The following TARBP1 variants were observed in gnomAD, a reference collection of about 807,000 sequenced individuals.
TARBP1 encodes the protein tRNA (guanosine(18)-2'-O)-methyltransferase TARBP1.
Under a neutral mutation model 178.6 loss-of-function variants are expected in TARBP1, and 144 were observed. That is an observed-to-expected ratio of 0.81 (90% CI 0.70 to 0.93). The LOEUF is 0.93. Ranked by LOEUF, TARBP1 falls within the 40% of genes least tolerant of loss-of-function variation. The probability of loss-of-function intolerance (pLI) is 0.00; values close to 1 mark genes in which losing one functional copy is unlikely to be tolerated. For synonymous variants in TARBP1, 787 were observed against 781.0 expected (o/e 1.01, Z -0.13); for missense variants, 2,067 against 2,011.7 (o/e 1.03, Z -0.53).
At chr1:234,430,621 G>A (rs1216411643) in intron 14 of TARBP1, among the ~76,000 whole-genome samples, 1 of 152,144 alleles carries the variant, frequency 6.6e-6, no homozygotes, top group Non-Finnish European at 1.5e-5. Flanking sequence ...CCAAAGCTGT[G>A]TGTAAGTCCT....
intron 12 of TARBP1, among the ~76,000 whole-genome samples, chr1:234,443,648 TG>T (rs1665831076): frequency 6.6e-6 from 1 of 152,186 alleles, no homozygotes; most frequent in South Asian, 2.1e-4. Flanking sequence ...CTCAGACATT[TG>T]TACACCCATG....
intron 1 of TARBP1, among the ~76,000 whole-genome samples, chr1:234,473,195 G>A (rs1052385517): frequency 6.6e-6 from 1 of 152,192 alleles, no homozygotes; most frequent in African/African-American, 2.4e-5. Context: ...CTCAAGTCAT[G>A]AGAATTTTAA....
chr1:234,437,766 A>C (rs946608421), intron 12 of TARBP1, among the ~76,000 whole-genome samples: 2 of 152,256 alleles, frequency 1.3e-5, no homozygotes, highest in South Asian at 2.1e-4. Context: ...CCAGATGCAG[A>C]AGCAGTCAAC....
In TARBP1 at chr1:234,478,908, C is replaced by A. The variant is rs1190610413; in HGVS notation, c.196G>T (p.Ala66Ser). The change falls in exon 1 of 30, where the codon GCA (alanine) becomes TCA (serine). Residue 66 changes from alanine (A) to serine (S), a missense_variant. Ala to Ser is a moderately conservative substitution (Grantham distance 99). Transcript: ENST00000040877. ...ALPEAAREVAAGYLVPLLRSL... is the reference protein window; with the variant it reads ...ALPEAAREVASGYLVPLLRSL... ...CGCAGCAGTGGCACGAGGTACCCTGCAGCCACCTCGCGCGCCGCCTCCGGG... is the reference window on the plus strand; with the variant it reads ...CGCAGCAGTGGCACGAGGTACCCTGAAGCCACCTCGCGCGCCGCCTCCGGG... The A allele has an allele frequency of 1.4e-6, 2 of 1,421,814 alleles. No homozygotes were observed. The highest frequency in any genetic ancestry group is 3.0e-5 in the Admixed American group (1 of 32,810). The allele number at this position is 1,421,814 out of a possible 1,614,324, so 88.1% of individuals were successfully genotyped here.
chr1:234,405,872 G>A, intron 24 of TARBP1, 31 bp downstream of exon 24: 1 of 1,596,162 alleles, frequency 6.3e-7, no homozygotes, highest in Non-Finnish European at 8.6e-7. Flanking sequence ...GGAGGAGAGT[G>A]AGGGCGATGA....
chr1:234,423,748 A>ATTT (rs1228790622), intron 20 of TARBP1, among the ~76,000 whole-genome samples: 4 of 130,972 alleles, frequency 3.1e-5, no homozygotes, highest in Non-Finnish European at 1.6e-5. Context: ...TTTTTTCTGA[A>ATTT]TTTTTTTTTT....
intron 21 of TARBP1, among the ~76,000 whole-genome samples, chr1:234,418,981 G>A (rs1411714784): frequency 6.6e-6 from 1 of 152,096 alleles, no homozygotes; most frequent in African/African-American, 2.4e-5. Context: ...GACCATCCTG[G>A]CTAACACGGT....
chr1:234,450,289 T>G lies in TARBP1; in HGVS notation c.1861+139A>C, dbSNP rs1666615727. On this transcript the variant is annotated intron_variant, in intron 10 of 29. Coordinates refer to ENST00000040877, the MANE Select transcript of TARBP1 (RefSeq NM_005646.4). ...CAGTATCTTTACTTTTTTTTCACAT[T>G]ATTTTACTGAAATACAAGTTTGGCA... 3 of 595,552 alleles carry G rather than the reference T, an allele frequency of 5.0e-6. No individual in the cohort carries two copies. The South Asian group carries it at 8.8e-5, about 17-fold the overall frequency. 36.9% of individuals were successfully genotyped at this position (595,552 alleles called of 1,614,324 possible).
At position 234,447,091 on chromosome 1, in the gene TARBP1, C is replaced by G. The variant is rs1572347832; in HGVS notation, c.1962-116G>C. The G allele has an allele frequency of 2.7e-6, 3 of 1,110,946 alleles. No homozygotes were observed. In the Middle Eastern group the frequency reaches 7.8e-4, roughly 288 times the overall value. The allele number at this position is 1,110,946 out of a possible 1,614,324, so 68.8% of individuals were successfully genotyped here. A position where few individuals can be genotyped will look rare whatever the true frequency, so the allele number is the denominator to read the frequency against. ...ATGGATCCAATTAGACAAAGTTACTCTCATGAAAGACCCAGACAACCAGCA... is the reference window on the plus strand; with the variant it reads ...ATGGATCCAATTAGACAAAGTTACTGTCATGAAAGACCCAGACAACCAGCA... On this transcript the variant is annotated intron_variant, in intron 11 of 29. Coordinates refer to ENST00000040877, the MANE Select transcript of TARBP1 (RefSeq NM_005646.4).
intron 9 of TARBP1, among the ~76,000 whole-genome samples, chr1:234,452,197 G>A (rs181037669): frequency 5.3e-4 from 81 of 152,216 alleles, no homozygotes; most frequent in Non-Finnish European, 9.9e-4. Flanking sequence ...ACATCTAAAT[G>A]GCAGTCTCTG....
At chr1:234,468,751 T>C (rs1340286832) in intron 3 of TARBP1, among the ~76,000 whole-genome samples, 1 of 151,938 alleles carries the variant, frequency 6.6e-6, no homozygotes, top group Non-Finnish European at 1.5e-5. Context: ...ACACCAACTC[T>C]GCTGCAGCCC....
Position 234,397,149 on chromosome 1 carries a change from TA to T in TARBP1, c.4243+1232del, listed in dbSNP as rs201543821. ...CTACAGTCATTAAGACGGTCATTTT[TA>T]AATTGAGTTAGGGAACCTGATTCTT... On this transcript the variant is annotated intron_variant, in intron 26 of 29. Coordinates refer to ENST00000040877, the MANE Select transcript of TARBP1 (RefSeq NM_005646.4). Among the ~76,000 whole-genome samples, 866 of 113,714 alleles carry T rather than the reference TA, an allele frequency of 7.6e-3. 15 individuals are homozygous for T. The highest frequency in any genetic ancestry group is 0.03 in the African/African-American group (819 of 27,468). 74.6% of individuals were successfully genotyped at this position (113,714 alleles called of 152,430 possible).
At chr1:234,454,093 A>G (rs1667057880) in intron 9 of TARBP1, among the ~76,000 whole-genome samples, 1 of 152,242 alleles carries the variant, frequency 6.6e-6, no homozygotes, top group Non-Finnish European at 1.5e-5. Flanking sequence ...GCGAAAAGAC[A>G]TTAGTAATAT....
intron 22 of TARBP1, among the ~76,000 whole-genome samples, chr1:234,414,965 C>A (rs1022274535): frequency 3.3e-5 from 5 of 151,780 alleles, no homozygotes; most frequent in Non-Finnish European, 5.9e-5. Context: ...GTCTGGGCGA[C>A]AGAGCGAGAC....
At position 234,448,520 on chromosome 1, in the gene TARBP1, A is replaced by T. The variant is rs199794043; in HGVS notation, c.1921T>A (p.Leu641Met). ...FEAKLVSLMV[L>M]LAVDVEGMKT... is the part of the protein sequence containing the mutation. ...ATTCCTTCCACATCCACAGCCAGCA[A>T]GACCATCAGAGAAACAAGCTTGGCT... The change falls in exon 11 of 30, where the codon TTG becomes ATG. Residue 641 changes from leucine (L) to methionine (M), a missense_variant. Leu to Met is a conservative substitution (Grantham distance 15). Coordinates refer to ENST00000040877, the MANE Select transcript of TARBP1 (RefSeq NM_005646.4). 6 of 1,614,128 alleles carry T rather than the reference A, an allele frequency of 3.7e-6. No individual in the cohort carries two copies. The African/African-American group carries it at 5.3e-5, about 14-fold the overall frequency.
intron 25 of TARBP1, among the ~76,000 whole-genome samples, chr1:234,399,301 A>G (rs1448554522): frequency 6.6e-6 from 1 of 152,258 alleles, no homozygotes; most frequent in Non-Finnish European, 1.5e-5. Flanking sequence ...ACATGTCTTC[A>G]TGAAAGGTTT....
At chr1:234,465,613 G>T (rs1173422660) in intron 5 of TARBP1, 43 bp downstream of exon 5, 5 of 1,472,466 alleles carry the variant, frequency 3.4e-6, no homozygotes, top group Non-Finnish European at 4.5e-6. Context: ...CTCTTAACAT[G>T]AAATGTATGT....
intron 26 of TARBP1, among the ~76,000 whole-genome samples, chr1:234,394,926 C>T (rs1479204621): frequency 6.6e-6 from 1 of 151,780 alleles, no homozygotes; most frequent in East Asian, 1.9e-4. Context: ...CCCGACTCTA[C>T]TAAAAATAAC....
chr1:234,424,209 C>G (rs900847278), intron 20 of TARBP1, among the ~76,000 whole-genome samples: 1 of 152,218 alleles, frequency 6.6e-6, no homozygotes, highest in Non-Finnish European at 1.5e-5. Flanking sequence ...GGTCAGAAAG[C>G]AGACCAGGCA....
Sources: gnomAD v4.1 joint callset for allele counts (sites outside exome capture counted in the v4.1 genomes callset) on GRCh38, gnomAD v4.1.1 for gene constraint, MANE v1.5 for transcripts, NCBI Gene and HGNC (gene_info 2026-07-23, HGNC 2026-07-21) for gene names.